ZNF827: variants seen among roughly 807,000 people sequenced by gnomAD.
The protein encoded by ZNF827 is zinc finger protein 827.
In ZNF827, 13 loss-of-function variants were observed where a neutral mutation model predicts 102.4. The ratio of observed to expected loss-of-function variants is 0.13; its 90% CI spans 0.08 to 0.20. ZNF827 has a LOEUF of 0.20. Ranked by LOEUF, ZNF827 falls within the 10% of genes least tolerant of loss-of-function variation. The probability of loss-of-function intolerance (pLI) is 1.00; values close to 1 mark genes in which losing one functional copy is unlikely to be tolerated. For synonymous variants in ZNF827, 523 were observed against 536.2 expected (o/e 0.98, Z 0.34); for missense variants, 1,103 against 1,344.4 (o/e 0.82, Z 2.81).
chr4:145,937,144 TG>T (rs1169285488), intron 1 of ZNF827, among the ~76,000 whole-genome samples: 2 of 150,416 alleles, frequency 1.3e-5, no homozygotes, highest in African/African-American at 4.9e-5. Flanking sequence ...ACTGGGGGGT[TG>T]GGGGGAGCTG....
At chr4:145,870,716 T>G in intron 4 of ZNF827, 3 of 420,510 alleles carry the variant, frequency 7.1e-6, no homozygotes, top group Non-Finnish European at 1.3e-5. Flanking sequence ...TAAGAAGTGC[T>G]ACCTCTACAA....
intron 8 of ZNF827, among the ~76,000 whole-genome samples, chr4:145,783,003 G>T (rs1341981538): frequency 2.6e-5 from 4 of 152,052 alleles, no homozygotes; most frequent in Non-Finnish European, 5.9e-5. Flanking sequence ...CTGTCCCAGG[G>T]AACTTTTATG....
intron 4 of ZNF827, among the ~76,000 whole-genome samples, chr4:145,874,855 C>T (rs1749018140): frequency 6.6e-6 from 1 of 152,186 alleles, no homozygotes; most frequent in African/African-American, 2.4e-5. Context: ...TGTTTGTTCC[C>T]AGCATCGTAG....
intron 1 of ZNF827, among the ~76,000 whole-genome samples, chr4:145,920,067 T>C (rs1253886040): frequency 2.0e-5 from 3 of 152,224 alleles, no homozygotes; most frequent in Non-Finnish European, 4.4e-5. Flanking sequence ...AAAGGTAAAT[T>C]AGCATTACAT....
intron 6 of ZNF827, 125 bp downstream of exon 6, chr4:145,849,197 C>A: frequency 7.7e-7 from 1 of 1,291,148 alleles, no homozygotes; most frequent in Non-Finnish European, 1.0e-6. Flanking sequence ...CATGTTAAAG[C>A]AACAAAATTG....
chr4:145,822,193 T>C (rs1743202844), intron 8 of ZNF827, among the ~76,000 whole-genome samples: 2 of 152,230 alleles, frequency 1.3e-5, no homozygotes, highest in South Asian at 4.1e-4. Flanking sequence ...AAGCACATTA[T>C]TTCTGGTGTT....
chr4:145,796,623 C>CT (rs34553120), intron 8 of ZNF827, among the ~76,000 whole-genome samples: 65,260 of 110,816 alleles, frequency 0.59, 20,864 homozygotes, highest in African/African-American at 0.66. Flanking sequence ...ATTTGTTCCT[C>CT]TTTTTTTTTT....
chr4:145,868,746 C>T (rs752123932), intron 5 of ZNF827, among the ~76,000 whole-genome samples: 52 of 152,308 alleles, frequency 3.4e-4, no homozygotes, highest in Non-Finnish European at 6.6e-4. Flanking sequence ...CTGCTTACAA[C>T]ACCTGCTGCA....
At chr4:145,900,010 G>A (rs1167958459) in intron 2 of ZNF827, among the ~76,000 whole-genome samples, 1 of 152,188 alleles carries the variant, frequency 6.6e-6, no homozygotes, top group Admixed American at 6.5e-5. Context: ...CTGAGTTGCT[G>A]GCATAGATTA....
At chr4:145,863,586 A>G (rs1747917631) in intron 5 of ZNF827, among the ~76,000 whole-genome samples, 1 of 152,288 alleles carries the variant, frequency 6.6e-6, no homozygotes, top group African/African-American at 2.4e-5. Context: ...ATGTTACAAC[A>G]TAGAAAAACC....
chr4:145,921,690 G>C (rs920131799), intron 1 of ZNF827, among the ~76,000 whole-genome samples: 1 of 152,152 alleles, frequency 6.6e-6, no homozygotes, highest in African/African-American at 2.4e-5. Context: ...TTCTGTCTCA[G>C]ATGAGTGGGT....
intron 6 of ZNF827, among the ~76,000 whole-genome samples, chr4:145,846,338 G>GC (rs1745934806): frequency 6.6e-6 from 1 of 152,108 alleles, no homozygotes; most frequent in Non-Finnish European, 1.5e-5. Flanking sequence ...ATTAGCCAGG[G>GC]ATGGTGGTGG....
At chr4:145,776,606 GTCTGTT>G (rs1283469232) in intron 9 of ZNF827, among the ~76,000 whole-genome samples, 1 of 150,966 alleles carries the variant, frequency 6.6e-6, no homozygotes, top group African/African-American at 2.4e-5. Flanking sequence ...AAGTGTGCAT[GTCTGTT>G]TGTGTGTGTG....
At chr4:145,827,477 G>T (rs1743806959) in intron 7 of ZNF827, among the ~76,000 whole-genome samples, 1 of 152,138 alleles carries the variant, frequency 6.6e-6, no homozygotes, top group Non-Finnish European at 1.5e-5. Flanking sequence ...ACCACTCATG[G>T]GCCTGGTCAA....
chr4:145,907,349 T>C, intron 1 of ZNF827: 1 of 384,894 alleles, frequency 2.6e-6, no homozygotes, highest in South Asian at 1.9e-5. Flanking sequence ...TAGCCTGGAA[T>C]TTCCTTTCAC....
At chr4:145,937,609 C>T (rs1378350826) in intron 1 of ZNF827, among the ~76,000 whole-genome samples, 1 of 144,366 alleles carries the variant, frequency 6.9e-6, no homozygotes, top group East Asian at 2.1e-4. Context: ...GCGGGAGCAG[C>T]CGCCCGGCGG....
At chr4:145,781,392 G>A (rs530869532) in intron 8 of ZNF827, among the ~76,000 whole-genome samples, 5 of 152,160 alleles carry the variant, frequency 3.3e-5, no homozygotes, top group Admixed American at 2.0e-4. Context: ...TTGCCAGATA[G>A]GGAAGAAGAA....
chr4:145,764,909 A>G (rs756939211), intron 13 of ZNF827, 79 bp downstream of exon 13: 4 of 1,599,894 alleles, frequency 2.5e-6, no homozygotes, highest in East Asian at 4.5e-5. Flanking sequence ...CAAAACCTTC[A>G]CGGGAAGGGA....
At chr4:145,907,135 A>G (rs1318385118) in intron 1 of ZNF827, 1 of 456,174 alleles carries the variant, frequency 2.2e-6, no homozygotes, top group Non-Finnish European at 4.4e-6. Flanking sequence ...GAGGGTGGGG[A>G]AAAATTATAA....
Sources: allele counts gnomAD v4.1 joint callset (sites outside exome capture counted in the v4.1 genomes callset), GRCh38; gene constraint gnomAD v4.1.1; transcripts MANE v1.5; gene names NCBI Gene and HGNC (gene_info 2026-07-23, HGNC 2026-07-21).